CRYBG1: variants seen among roughly 807,000 people sequenced by gnomAD.
CRYBG1 encodes beta/gamma crystallin domain-containing protein 1.
A neutral mutation model predicts 189.2 loss-of-function variants in CRYBG1; 139 were observed. That is an observed-to-expected ratio of 0.73 (90% CI 0.64 to 0.85). The LOEUF is 0.85. Ranked by LOEUF, CRYBG1 falls within the 40% of genes least tolerant of loss-of-function variation. CRYBG1 has a pLI of 0.00. For synonymous variants in CRYBG1, 1,023 were observed against 1,017.1 expected (o/e 1.01, Z -0.11); for missense variants, 2,611 against 2,675.8 (o/e 0.98, Z 0.53).
At chr6:106,382,641 TG>T (rs1251498581) in intron 1 of CRYBG1, among the ~76,000 whole-genome samples, 1 of 152,344 alleles carries the variant, frequency 6.6e-6, no homozygotes, top group Admixed American at 6.5e-5. Context: ...TTCTACCAAT[TG>T]CTCTTTATAC....
Position 106,512,878 on chromosome 6 carries a change from G to A in CRYBG1, c.1761G>A (p.Lys587=). Residue 587 remains lysine (K), a synonymous_variant, in exon 3 of 22, where the codon AAG becomes AAA. Transcript: ENST00000633556. ...TGCCGGAGATCAAGCCCGAGCACAA[G>A]AGGGGCCCGCTCCCCAACCACTTCA... The part of the protein sequence containing the change: ...SLLPEIKPEH[K]RGPLPNHFNG... The A allele has an allele frequency of 6.3e-7, 1 of 1,596,210 alleles. No individual in the cohort carries two copies. The highest frequency in any genetic ancestry group is 2.3e-5 in the East Asian group (1 of 43,960).
intron 2 of CRYBG1, among the ~76,000 whole-genome samples, chr6:106,480,221 A>G (rs1772417249): frequency 6.6e-6 from 1 of 152,150 alleles, no homozygotes; most frequent in Non-Finnish European, 1.5e-5. Flanking sequence ...GCCCAGTGCT[A>G]TGTGGTTCTG....
At chr6:106,482,848 T>G (rs1391175112) in intron 2 of CRYBG1, among the ~76,000 whole-genome samples, 1 of 148,948 alleles carries the variant, frequency 6.7e-6, no homozygotes, top group Non-Finnish European at 1.5e-5. Context: ...GGGCCAACAG[T>G]CTTTAAATTT....
At chr6:106,409,992 G>GCAATAGCAA (rs1248611147) in intron 1 of CRYBG1, among the ~76,000 whole-genome samples, 2 of 152,128 alleles carry the variant, frequency 1.3e-5, no homozygotes, top group Non-Finnish European at 2.9e-5. Context: ...AACACCAAAA[G>GCAATAGCAA]CAATAGCAAC....
chr6:106,499,186 T>C (rs1772931694), intron 2 of CRYBG1, among the ~76,000 whole-genome samples: 4 of 148,450 alleles, frequency 2.7e-5, no homozygotes, highest in Admixed American at 6.7e-5. Flanking sequence ...GGAGTCTCTC[T>C]CTGTCTCCCA....
At chr6:106,387,524 G>T (rs1562293195) in intron 1 of CRYBG1, among the ~76,000 whole-genome samples, 1 of 152,080 alleles carries the variant, frequency 6.6e-6, no homozygotes, top group Non-Finnish European at 1.5e-5. Context: ...TGCTCAACAG[G>T]TACTAATTAC....
intron 2 of CRYBG1, among the ~76,000 whole-genome samples, chr6:106,510,547 G>A (rs1394970667): frequency 1.1e-4 from 16 of 152,336 alleles, no homozygotes; most frequent in Middle Eastern, 3.4e-3. Context: ...TAGGTGGGCC[G>A]GCCCCTGGGG....
At chr6:106,493,632 A>G (rs888590589) in intron 2 of CRYBG1, among the ~76,000 whole-genome samples, 1 of 152,208 alleles carries the variant, frequency 6.6e-6, no homozygotes, top group Non-Finnish European at 1.5e-5. Context: ...ATGTGCTGTA[A>G]TAAAAGGAAC....
chr6:106,481,927 G>T (rs1772470062), intron 2 of CRYBG1, among the ~76,000 whole-genome samples: 1 of 152,136 alleles, frequency 6.6e-6, no homozygotes, highest in African/African-American at 2.4e-5. Flanking sequence ...CCCTTTATTA[G>T]ACTGTCATCA....
At chr6:106,431,783 C>T (rs188482108) in intron 1 of CRYBG1, among the ~76,000 whole-genome samples, 37 of 152,118 alleles carry the variant, frequency 2.4e-4, no homozygotes, top group African/African-American at 8.7e-4. Flanking sequence ...GGAATGTTTC[C>T]GTACCCTACA....
chr6:106,379,189 T>C lies in CRYBG1; in HGVS notation c.173+18108T>C, dbSNP rs189600616. Among the ~76,000 whole-genome samples, 1,035 of 152,280 alleles carry C rather than the reference T, an allele frequency of 6.8e-3. 6 individuals are homozygous for C. The highest frequency in any genetic ancestry group is 0.024 in the Middle Eastern group (7 of 294). ...AAGTACAAATAGAACAAAATGATGT[T>C]GAAGTAAGAGAGTAAATGAAAACAC... On this transcript the variant is annotated intron_variant, in intron 1 of 21. Coordinates refer to ENST00000633556, the MANE Select transcript of CRYBG1 (RefSeq NM_001371242.2).
At position 106,511,935 on chromosome 6, in the gene CRYBG1, G is replaced by A. The variant is rs1276177006; in HGVS notation, c.818G>A (p.Arg273His). ...CAAGAGAACGCAGAGACGCCCGCCC[G>A]CAGTCCGGGGGAGGACGCTTCACCA... ...SRQENAETPARSPGEDASPGA... is the reference protein window; with the variant it reads ...SRQENAETPAHSPGEDASPGA... Residue 273 changes from arginine to histidine, a missense_variant, in exon 3 of 22, where the codon CGC becomes CAC. By Grantham distance (29) the Arg-to-His change is conservative. This residue lies in a region of CRYBG1 where 985 missense variants were observed against 924.4 expected (regional missense o/e 1.07). Transcript: ENST00000633556. The A allele has an allele frequency of 2.0e-6, 3 of 1,524,772 alleles. No homozygotes were observed. Among genetic ancestry groups the A allele is most frequent in the Non-Finnish European group, 2.6e-6 (3 of 1,139,828 alleles). The allele number at this position is 1,524,772 out of a possible 1,614,324, so 94.5% of individuals were successfully genotyped here.
chr6:106,417,986 G>A (rs900452587), intron 1 of CRYBG1, among the ~76,000 whole-genome samples: 18 of 152,226 alleles, frequency 1.2e-4, no homozygotes, highest in African/African-American at 2.7e-4. Flanking sequence ...ACTCTCTGCC[G>A]GTGAGGGCAA....
rs1329228377 is a variant in CRYBG1, at chr6:106,552,234, C to A, written c.5472+18C>A. On this transcript the variant is annotated intron_variant, in intron 15 of 21. Transcript: ENST00000633556. ...GAAATCAGGTAACTTTAAAAATATTCTTTTATATTAATATATAAAGGGCCT... is the reference window on the plus strand; with the variant it reads ...GAAATCAGGTAACTTTAAAAATATTATTTTATATTAATATATAAAGGGCCT... The A allele has an allele frequency of 1.4e-6, 2 of 1,471,164 alleles. No individual in the cohort carries two copies. Among genetic ancestry groups the A allele is most frequent in the Non-Finnish European group, 1.8e-6 (2 of 1,085,366 alleles). 91.1% of individuals were successfully genotyped at this position (1,471,164 alleles called of 1,614,324 possible).
intron 1 of CRYBG1, among the ~76,000 whole-genome samples, chr6:106,363,020 C>T (rs1160285313): frequency 6.6e-6 from 1 of 151,374 alleles, no homozygotes; most frequent in East Asian, 1.9e-4. Context: ...CCGAGACGGG[C>T]GGATCACGAG....
chr6:106,479,554 A>G (rs773105296), intron 2 of CRYBG1, among the ~76,000 whole-genome samples: 11 of 152,224 alleles, frequency 7.2e-5, no homozygotes, highest in Non-Finnish European at 1.3e-4. Context: ...CCAGTAATGT[A>G]TAAGGGTTCC....
At chr6:106,487,261 A>T (rs541728841) in intron 2 of CRYBG1, among the ~76,000 whole-genome samples, 1 of 152,250 alleles carries the variant, frequency 6.6e-6, no homozygotes, top group African/African-American at 2.4e-5. Context: ...TTCTTTAGCC[A>T]CTTAACTATT....
chr6:106,501,615 G>C (rs546635735), intron 2 of CRYBG1, among the ~76,000 whole-genome samples: 1 of 152,332 alleles, frequency 6.6e-6, no homozygotes, highest in South Asian at 2.1e-4. Flanking sequence ...CTTTTCAAAA[G>C]ATGTTCACAT....
intron 1 of CRYBG1, among the ~76,000 whole-genome samples, chr6:106,404,062 C>T (rs756063029): frequency 1.3e-5 from 2 of 152,222 alleles, no homozygotes; most frequent in Non-Finnish European, 2.9e-5. Context: ...AGATTTCTCA[C>T]ACATCTGTGA....
Sources: allele counts gnomAD v4.1 joint callset (sites outside exome capture counted in the v4.1 genomes callset), GRCh38; gene constraint gnomAD v4.1.1; regional missense constraint gnomAD v4.1.1; transcripts MANE v1.5; gene names NCBI Gene and HGNC (gene_info 2026-07-23, HGNC 2026-07-21).